Variants in PDE4DIP observed in about 807,000 individuals in gnomAD.
PDE4DIP encodes the protein phosphodiesterase 4D interacting protein.
A neutral mutation model predicts 221.4 loss-of-function variants in PDE4DIP; 59 were observed. That is an observed-to-expected ratio of 0.27 (90% CI 0.22 to 0.33). The LOEUF is 0.33. PDE4DIP is among the 10% of genes least tolerant of loss of function. The pLI is 1.00. For synonymous variants in PDE4DIP, 404 were observed against 815.9 expected (o/e 0.50, Z 8.60); for missense variants, 1,036 against 2,154.2 (o/e 0.48, Z 10.28).
intron 21 of PDE4DIP, chr1:148,985,304 G>T (rs1309632685): frequency 6.6e-6 from 1 of 151,978 alleles, no homozygotes; most frequent in Non-Finnish European, 1.5e-5. Flanking sequence ...GAGTCAGTAG[G>T]ATAATATATT....
intron 37 of PDE4DIP, among the ~76,000 whole-genome samples, chr1:149,024,040 C>T (rs1553623750): frequency 2.6e-5 from 4 of 151,554 alleles, no homozygotes; most frequent in Admixed American, 1.3e-4. Flanking sequence ...AGACCTCCTC[C>T]TTCTCTTTCA....
At position 148,988,284 on chromosome 1, in the gene PDE4DIP, A is replaced by G. The variant is rs587750189; in HGVS notation, c.2816-3601A>G. 2.7e-5 allele frequency among the ~76,000 whole-genome samples: 4 copies of G among 148,158 alleles called. No individual in the cohort carries two copies. In the South Asian group the frequency reaches 8.9e-4, roughly 33 times the overall value. On this transcript the variant is annotated intron_variant, in intron 21 of 43. Transcript: ENST00000369354. The stretch of plus-strand genomic sequence containing the variant: ...TGGACTACTTCAGTTTACTTACAAT[A>G]ACAATAATAATATTGTTTAAGGATG...
At chr1:149,025,415 G>A (rs2074859153) in intron 38 of PDE4DIP, among the ~76,000 whole-genome samples, 1 of 151,976 alleles carries the variant, frequency 6.6e-6, no homozygotes, top group African/African-American at 2.4e-5. Flanking sequence ...TGGATGGTGG[G>A]TGATTTATTT....
chr1:149,016,259 A>G, intron 32 of PDE4DIP, 40 bp from the exon 36 acceptor site: 2 of 1,606,484 alleles, frequency 1.2e-6, no homozygotes, highest in Non-Finnish European at 1.7e-6. Context: ...TTCCCTTCTG[A>G]CACCCCATTT....
At chr1:148,970,571 T>C (rs1279230945) in intron 14 of PDE4DIP, among the ~76,000 whole-genome samples, 2 of 151,132 alleles carry the variant, frequency 1.3e-5, no homozygotes, top group African/African-American at 4.9e-5. Context: ...AAGATGTAGA[T>C]TGTGGAGCTC....
chr1:148,915,275 G>A (rs1285823555), intron 1 of PDE4DIP, among the ~76,000 whole-genome samples: 1 of 152,232 alleles, frequency 6.6e-6, no homozygotes, highest in African/African-American at 2.4e-5. Context: ...AGCCTCCCAA[G>A]TAGCTGGGAT....
chr1:148,892,292 A>G (rs1698844525), intron 1 of PDE4DIP, among the ~76,000 whole-genome samples: 1 of 117,448 alleles, frequency 8.5e-6, no homozygotes, highest in Non-Finnish European at 1.7e-5. Flanking sequence ...ACTGCGCCCC[A>G]CCAGGATTTT....
intron 22 of PDE4DIP, among the ~76,000 whole-genome samples, chr1:148,996,321 T>C (rs2064211165): frequency 6.6e-6 from 1 of 152,248 alleles, no homozygotes; most frequent in Non-Finnish European, 1.5e-5. Context: ...AGAGTTTATA[T>C]AGAATGACAA....
intron 14 of PDE4DIP, among the ~76,000 whole-genome samples, chr1:148,971,152 G>C (rs1303525541): frequency 6.6e-6 from 1 of 152,110 alleles, no homozygotes; most frequent in Non-Finnish European, 1.5e-5. Context: ...AATGAAACAA[G>C]CTGAGTTGGG....
At chr1:148,975,263 C>T (rs375658581) in intron 17 of PDE4DIP, among the ~76,000 whole-genome samples, 18,152 of 145,874 alleles carry the variant, frequency 0.12, 885 homozygotes, top group Middle Eastern at 0.19. Flanking sequence ...ACATTAGATC[C>T]GTGAAATTAG....
intron 5 of PDE4DIP, chr1:148,953,864 T>A (rs2054365765): frequency 6.2e-7 from 1 of 1,610,394 alleles, no homozygotes; most frequent in Non-Finnish European, 8.5e-7. Flanking sequence ...GCAGGAGCTG[T>A]GGGATGATCT....
chr1:148,838,347 C>T (rs1553375213), intron 1 of PDE4DIP, among the ~76,000 whole-genome samples: 1 of 17,648 alleles, frequency 5.7e-5, no homozygotes, highest in Admixed American at 5.3e-4. Flanking sequence ...GGTACATTGC[C>T]CAAGATTGTA....
intron 5 of PDE4DIP, among the ~76,000 whole-genome samples, chr1:148,948,335 A>G (rs587710235): frequency 1.2e-4 from 18 of 152,256 alleles, no homozygotes; most frequent in East Asian, 7.7e-4. Flanking sequence ...TCCTCCAATC[A>G]TAAGTGTTTG....
intron 33 of PDE4DIP, among the ~76,000 whole-genome samples, chr1:149,016,907 GA>G (rs2070787891): frequency 3.3e-5 from 5 of 152,284 alleles, no homozygotes. Context: ...CTTGTCACAG[GA>G]AAGGGTGTAA....
At position 149,031,938 on chromosome 1, in the gene PDE4DIP, C is replaced by G. The variant is rs782628983; in HGVS notation, c.7000-6C>G. 6.2e-7 allele frequency: 1 copy of G among 1,603,938 alleles called. No homozygotes were observed. The highest frequency in any genetic ancestry group is 1.3e-5 in the African/African-American group (1 of 74,728). On this transcript the variant is annotated splice_polypyrimidine_tract_variant and splice_region_variant and intron_variant, in intron 43 of 43. Coordinates refer to ENST00000369354, the Ensembl canonical transcript of PDE4DIP. ...CTGATTTGGTTTGTTTTATGTTTGTCTGCAGGTGAAATCCCTAAGGGCTCT... is the reference window on the plus strand; with the variant it reads ...CTGATTTGGTTTGTTTTATGTTTGTGTGCAGGTGAAATCCCTAAGGGCTCT...
At position 148,932,306 on chromosome 1, in the gene PDE4DIP, TC is replaced by T. The variant is rs1191761954; in HGVS notation, c.518+19del. On this transcript the variant is annotated intron_variant, in intron 4 of 43. Coordinates refer to ENST00000369354, the Ensembl canonical transcript of PDE4DIP. ...AGGGACAAGTAGGTGCCTTCGGTGC[TC>T]TTTTTGTCGCTTGTCTTTTGCCCAT... The T allele has an allele frequency of 2.3e-6, 2 of 888,748 alleles. No individual in the cohort carries two copies. The highest frequency in any genetic ancestry group is 2.6e-5 in the East Asian group (1 of 37,990). The allele number at this position is 888,748 out of a possible 1,614,324, so 55.1% of individuals were successfully genotyped here.
exon 24 of PDE4DIP, chr1:149,001,645 A>G: frequency 6.2e-7 from 1 of 1,614,026 alleles, no homozygotes; most frequent in Non-Finnish European, 8.5e-7. Context: ...AGCAGATGGG[A>G]GAAGCAATGT....
rs1398746987 is a variant in PDE4DIP, at chr1:148,968,257, A to G, written c.1785+352A>G. Among the ~76,000 whole-genome samples the G allele has an allele frequency of 2.6e-5, 4 of 152,234 alleles. No homozygotes were observed. The South Asian group carries it at 6.2e-4, about 24-fold the overall frequency. On this transcript the variant is annotated intron_variant, in intron 13 of 43. Coordinates refer to ENST00000369354, the Ensembl canonical transcript of PDE4DIP. ...CTCACAAGTCCATGAGGTACTTTCT[A>G]TTATTCCTTTTTATAGAGGAGGAAA...
chr1:148,932,436 AG>A (rs2048256961), intron 4 of PDE4DIP, 148 bp downstream of exon 7: 14 of 1,284,184 alleles, frequency 1.1e-5, no homozygotes, highest in Admixed American at 1.7e-5. Flanking sequence ...CATTCTTTTC[AG>A]GGTTGAATTT....
Sources: allele counts gnomAD v4.1 joint callset (sites outside exome capture counted in the v4.1 genomes callset), GRCh38; gene constraint gnomAD v4.1.1; transcripts MANE v1.5; gene names NCBI Gene and HGNC (gene_info 2026-07-23, HGNC 2026-07-21).